The following ZFAND3 variants were observed in gnomAD, a reference collection of about 807,000 sequenced individuals.
ZFAND3 encodes the protein AN1-type zinc finger protein 3.
ZFAND3 carries 10 observed loss-of-function variants against 29.6 expected under a neutral mutation model. The ratio of observed to expected loss-of-function variants is 0.34; its 90% CI spans 0.21 to 0.57. The LOEUF is 0.57. ZFAND3 is among the 20% of genes least tolerant of loss of function. ZFAND3 has a pLI of 0.86. For missense variants in ZFAND3, 230 were observed against 304.5 expected, an observed-to-expected ratio of 0.76 and a Z score of 1.82; for synonymous variants, 128 against 112.6, an observed-to-expected ratio of 1.14 and a Z score of -0.87.
chr6:37,850,583 A>G (rs1258924636), intron 1 of ZFAND3, among the ~76,000 whole-genome samples: 1 of 152,128 alleles, frequency 6.6e-6, no homozygotes, highest in Non-Finnish European at 1.5e-5. Context: ...TGGCCAACAG[A>G]ATTCAGTACA....
At chr6:38,005,520 G>C (rs1487040682) in intron 2 of ZFAND3, among the ~76,000 whole-genome samples, 2 of 152,164 alleles carry the variant, frequency 1.3e-5, no homozygotes, top group Non-Finnish European at 2.9e-5. Context: ...GGTAGAAGGA[G>C]CTCTTAAGTA....
intron 3 of ZFAND3, among the ~76,000 whole-genome samples, chr6:38,064,917 C>T (rs1430432416): frequency 6.6e-6 from 1 of 152,046 alleles, no homozygotes; most frequent in African/African-American, 2.4e-5. Context: ...TGCAACTGGG[C>T]AGGTTGAGTT....
At chr6:37,906,036 G>A (rs1406703826) in intron 1 of ZFAND3, among the ~76,000 whole-genome samples, 2 of 151,976 alleles carry the variant, frequency 1.3e-5, no homozygotes, top group Admixed American at 6.6e-5. Flanking sequence ...TTTAAATTAT[G>A]GTATAATACT....
chr6:37,919,081 G>A (rs1319272869), intron 1 of ZFAND3, among the ~76,000 whole-genome samples: 2 of 150,824 alleles, frequency 1.3e-5, no homozygotes, highest in African/African-American at 4.9e-5. Context: ...AGCCTCCCGA[G>A]TAGCTGGGAT....
chr6:38,036,499 T>TA (rs1315164161), intron 2 of ZFAND3, among the ~76,000 whole-genome samples: 1 of 152,202 alleles, frequency 6.6e-6, no homozygotes, highest in East Asian at 1.9e-4. Context: ...TGTGACCACC[T>TA]ACTGGGGATA....
chr6:38,120,216 T>G (rs190235227), intron 5 of ZFAND3, among the ~76,000 whole-genome samples: 5 of 152,162 alleles, frequency 3.3e-5, no homozygotes, highest in Non-Finnish European at 5.9e-5. Context: ...CTAGAGGATG[T>G]TCTTCTGCAA....
At chr6:37,905,530 A>G (rs774338449) in intron 1 of ZFAND3, among the ~76,000 whole-genome samples, 10 of 152,160 alleles carry the variant, frequency 6.6e-5, no homozygotes, top group East Asian at 1.9e-4. Flanking sequence ...AACATGTGTC[A>G]TACTAAAGAT....
At chr6:38,051,609 C>T (rs1048736846) in intron 2 of ZFAND3, among the ~76,000 whole-genome samples, 1 of 152,186 alleles carries the variant, frequency 6.6e-6, no homozygotes, top group Non-Finnish European at 1.5e-5. Flanking sequence ...TAGGCTCCAA[C>T]TTGCCTATTT....
chr6:37,921,473 AGTT>A (rs1241187922), intron 1 of ZFAND3, among the ~76,000 whole-genome samples: 5 of 151,608 alleles, frequency 3.3e-5, no homozygotes, highest in Non-Finnish European at 7.4e-5. Flanking sequence ...ATGGTGAAAG[AGTT>A]GTTTTTTATT....
intron 1 of ZFAND3, among the ~76,000 whole-genome samples, chr6:37,877,547 G>A (rs200582170): frequency 1.7e-5 from 1 of 58,818 alleles, no homozygotes; most frequent in South Asian, 4.1e-4. Flanking sequence ...TGAAAGAAGA[G>A]GAGTCAGAGA....
intron 1 of ZFAND3, among the ~76,000 whole-genome samples, chr6:37,896,543 TTTC>T (rs1178055434): frequency 7.9e-6 from 1 of 127,300 alleles, no homozygotes; most frequent in African/African-American, 3.5e-5. Flanking sequence ...TCTTTCTTTC[TTTC>T]TTTCTTTCTT....
intron 1 of ZFAND3, among the ~76,000 whole-genome samples, chr6:37,872,784 G>A (rs1468996674): frequency 6.6e-6 from 1 of 152,142 alleles, no homozygotes; most frequent in East Asian, 1.9e-4. Context: ...CTGTTGATGG[G>A]CATTTGGATT....
chr6:37,876,532 T>C (rs1239167545), intron 1 of ZFAND3, among the ~76,000 whole-genome samples: 4 of 152,238 alleles, frequency 2.6e-5, no homozygotes, highest in Non-Finnish European at 5.9e-5. Flanking sequence ...GTAAAGGCTG[T>C]ATATTTGGAA....
chr6:38,152,847 TAGCC>T lies in ZFAND3; in HGVS notation c.*461_*464del, dbSNP rs1766260757. ...CCTCTTCACTTATCCTTAGTCCCAGTAGCCAGGATACCTGATGGCCACGTGTGCC... is the reference window on the plus strand; with the variant it reads ...CCTCTTCACTTATCCTTAGTCCCAGTAGGATACCTGATGGCCACGTGTGCC... On this transcript the variant is annotated 3_prime_UTR_variant, in exon 6 of 6. Transcript: ENST00000287218. 1.0e-6 allele frequency: 1 copy of T among 986,044 alleles called. No homozygotes were observed. Among genetic ancestry groups the T allele is most frequent in the East Asian group, 1.1e-4 (1 of 8,822 alleles). 61.1% of individuals were successfully genotyped at this position (986,044 alleles called of 1,614,324 possible).
intron 1 of ZFAND3, among the ~76,000 whole-genome samples, chr6:37,858,842 T>C (rs1764429298): frequency 6.6e-6 from 1 of 152,268 alleles, no homozygotes; most frequent in Non-Finnish European, 1.5e-5. Flanking sequence ...ATTGGCTCTT[T>C]CGTGTTTATA....
At chr6:38,012,559 A>G (rs1044953504) in intron 2 of ZFAND3, among the ~76,000 whole-genome samples, 1 of 151,938 alleles carries the variant, frequency 6.6e-6, no homozygotes, top group Non-Finnish European at 1.5e-5. Context: ...TTGTGTTTTT[A>G]GTAGAGACTG....
intron 2 of ZFAND3, chr6:38,003,646 G>A: frequency 3.1e-6 from 1 of 325,644 alleles, no homozygotes; most frequent in East Asian, 1.1e-4. Flanking sequence ...CTACAGTCAT[G>A]CACCACCACG....
intron 4 of ZFAND3, among the ~76,000 whole-genome samples, chr6:38,102,094 C>A (rs1217521449): frequency 1.3e-5 from 2 of 152,082 alleles, no homozygotes; most frequent in African/African-American, 4.8e-5. Context: ...CTTCTTTCTT[C>A]TTCCTCCTCC....
intron 4 of ZFAND3, among the ~76,000 whole-genome samples, chr6:38,094,695 A>G (rs1444119751): frequency 2.0e-5 from 3 of 152,156 alleles, no homozygotes; most frequent in African/African-American, 4.8e-5. Flanking sequence ...ATCATCTCTT[A>G]ATGAGGATAT....
Sources: gnomAD v4.1 joint callset for allele counts (sites outside exome capture counted in the v4.1 genomes callset) on GRCh38, gnomAD v4.1.1 for gene constraint, MANE v1.5 for transcripts, NCBI Gene and HGNC (gene_info 2026-07-23, HGNC 2026-07-21) for gene names.